The following ARID1A variants were observed in gnomAD, a reference collection of about 807,000 sequenced individuals.
ARID1A encodes AT-rich interaction domain 1A, also known as AT-rich interactive domain-containing protein 1A.
A neutral mutation model predicts 212.6 loss-of-function variants in ARID1A; 20 were observed. The observed-to-expected ratio is 0.09, with a 90% CI of 0.07 to 0.14. The LOEUF (loss-of-function observed/expected upper bound fraction) is 0.14, where lower values mean the gene tolerates loss of function less well. Among genes scored for constraint, ARID1A ranks in the 10% least tolerant of loss-of-function variants. ARID1A has a pLI of 1.00. For missense variants in ARID1A, 2,587 were observed against 3,059.0 expected (o/e 0.85, Z 3.64); for synonymous variants, 1,376 against 1,222.1 (o/e 1.13, Z -2.63).
chr1:26,754,483 C>G (rs1003643118), intron 4 of ARID1A, among the ~76,000 whole-genome samples: 4 of 152,158 alleles, frequency 2.6e-5, no homozygotes, highest in African/African-American at 9.7e-5. Flanking sequence ...TTGACCCTGA[C>G]CATATGGTGC....
At chr1:26,748,439 A>C (rs2080856537) in intron 4 of ARID1A, among the ~76,000 whole-genome samples, 1 of 152,092 alleles carries the variant, frequency 6.6e-6, no homozygotes, top group Non-Finnish European at 1.5e-5. Flanking sequence ...TGTTTGGTTG[A>C]CCTTCCTAAC....
At chr1:26,769,059 A>AT (rs772194319) in intron 11 of ARID1A, 1 of 152,238 alleles carries the variant, frequency 6.6e-6, no homozygotes, top group Non-Finnish European at 1.5e-5. Context: ...ACACGTGCAT[A>AT]CTGCCACATA....
chr1:26,706,696 A>G lies in ARID1A; in HGVS notation c.1137+9156A>G, dbSNP rs144429005. ...GTGATTTCTCCTGTCTGGGGTAGACATTGTTGCTTTCTGTTGTCCTTAGAG... is the reference window on the plus strand; with the variant it reads ...GTGATTTCTCCTGTCTGGGGTAGACGTTGTTGCTTTCTGTTGTCCTTAGAG... On this transcript the variant is annotated intron_variant, in intron 1 of 19. Coordinates refer to ENST00000324856, the MANE Select transcript of ARID1A (RefSeq NM_006015.6). 8.9e-3 allele frequency among the ~76,000 whole-genome samples: 1,353 copies of G among 152,302 alleles called. 4 individuals are homozygous for G. The highest frequency in any genetic ancestry group is 0.015 in the Non-Finnish European group (999 of 68,034).
rs1458168167 is a variant in ARID1A, at chr1:26,773,793, C to T, written c.4005-9C>T. The T allele has an allele frequency of 1.2e-6, 2 of 1,614,202 alleles. No individual in the cohort carries two copies. The highest frequency in any genetic ancestry group is 1.7e-6 in the Non-Finnish European group (2 of 1,180,020). Reference sequence around the variant, plus strand: ...CCACCCTAATCCTGTGTTTCTTTGCCTCCTATAGACATGATTCCTATGGCA... The same window carrying T: ...CCACCCTAATCCTGTGTTTCTTTGCTTCCTATAGACATGATTCCTATGGCA... On this transcript the variant is annotated splice_polypyrimidine_tract_variant and intron_variant, in intron 16 of 19. Transcript: ENST00000324856.
intron 1 of ARID1A, among the ~76,000 whole-genome samples, chr1:26,701,471 A>G (rs1325396843): frequency 6.6e-6 from 1 of 152,196 alleles, no homozygotes; most frequent in African/African-American, 2.4e-5. Context: ...CGTTAGTGGT[A>G]AAGAGCACAG....
intron 1 of ARID1A, among the ~76,000 whole-genome samples, chr1:26,727,534 C>T (rs970261391): frequency 6.6e-6 from 1 of 152,120 alleles, no homozygotes; most frequent in Non-Finnish European, 1.5e-5. Flanking sequence ...TAGTATACAC[C>T]AGACTCATTC....
intron 1 of ARID1A, among the ~76,000 whole-genome samples, chr1:26,697,868 G>T (rs916756897): frequency 4.0e-5 from 6 of 151,240 alleles, no homozygotes; most frequent in African/African-American, 1.5e-4. Context: ...GTGAGGGGGC[G>T]CTGGGGGCTC....
At chr1:26,778,797 C>G (rs1484037861) in intron 19 of ARID1A, 1 of 414,128 alleles carries the variant, frequency 2.4e-6, no homozygotes, top group Admixed American at 3.9e-5. Flanking sequence ...GGCTAGTGTT[C>G]CTGGAGATAG....
At chr1:26,762,406 T>C (rs1433436727) in intron 7 of ARID1A, 87 bp downstream of exon 7, 1 of 1,449,076 alleles carries the variant, frequency 6.9e-7, no homozygotes, top group Non-Finnish European at 9.3e-7. Flanking sequence ...GCTTGTAACC[T>C]TGTGAGAGAA....
intron 8 of ARID1A, chr1:26,764,118 C>G (rs565095003): frequency 6.6e-6 from 1 of 152,046 alleles, no homozygotes. Context: ...TACAGGCACC[C>G]GCCACCATGC....
chr1:26,778,926 A>G (rs1158046461), intron 19 of ARID1A, 97 bp from the exon 20 acceptor site: 13 of 1,251,976 alleles, frequency 1.0e-5, no homozygotes, highest in South Asian at 7.4e-5. Flanking sequence ...GCCTCTCCCA[A>G]CTGATACAGA....
rs143257313 is a variant in ARID1A, at chr1:26,779,677, G to C, written c.5779G>C (p.Ala1927Pro). The change falls in exon 20 of 20, where the codon GCT becomes CCT. Residue 1927 changes from alanine to proline, a missense_variant. This residue lies in a region of ARID1A where 890 missense variants were observed against 1,098.2 expected (regional missense o/e 0.81). Coordinates refer to ENST00000324856, the MANE Select transcript of ARID1A (RefSeq NM_006015.6). ...TRSSTLTEDGAKSSEAIKESS... is the reference protein window; with the variant it reads ...TRSSTLTEDGPKSSEAIKESS... Reference sequence around the variant, plus strand: ...GTCTAGCACCTTGACCGAGGATGGAGCTAAGAGTTCAGAGGCCATCAAGGA... The same window carrying C: ...GTCTAGCACCTTGACCGAGGATGGACCTAAGAGTTCAGAGGCCATCAAGGA... 363 of 1,614,150 alleles carry C rather than the reference G, an allele frequency of 2.2e-4. 1 individual carries two copies. The African/African-American group carries it at 4.1e-3, about 18-fold the overall frequency.
intron 4 of ARID1A, among the ~76,000 whole-genome samples, chr1:26,755,036 G>A (rs1380880385): frequency 6.6e-6 from 1 of 152,182 alleles, no homozygotes; most frequent in Admixed American, 6.5e-5. Context: ...TTGAACCCAG[G>A]AGACAGAGGT....
chr1:26,730,648 C>G (rs1260362265), intron 2 of ARID1A, among the ~76,000 whole-genome samples: 1 of 151,924 alleles, frequency 6.6e-6, no homozygotes, highest in Non-Finnish European at 1.5e-5. Context: ...GTGCCTGGTA[C>G]AAGTAATTGA....
At chr1:26,744,637 A>G (rs1325699580) in intron 4 of ARID1A, among the ~76,000 whole-genome samples, 1 of 152,140 alleles carries the variant, frequency 6.6e-6, no homozygotes, top group African/African-American at 2.4e-5. Context: ...GGAGCTTTTA[A>G]ATGTATTTCC....
intron 4 of ARID1A, among the ~76,000 whole-genome samples, chr1:26,749,138 CTCGG>C (rs2080863104): frequency 6.6e-6 from 1 of 152,252 alleles, no homozygotes; most frequent in East Asian, 1.9e-4. Flanking sequence ...GCACTCCAGC[CTCGG>C]TGACAGAGCG....
intron 10 of ARID1A, among the ~76,000 whole-genome samples, chr1:26,767,138 A>G (rs1032682848): frequency 3.3e-5 from 5 of 152,092 alleles, no homozygotes; most frequent in Non-Finnish European, 5.9e-5. Context: ...CACTTTCCCT[A>G]TCTGTATACA....
intron 4 of ARID1A, 53 bp from the exon 5 acceptor site, chr1:26,760,803 T>C (rs2080984230): frequency 1.9e-6 from 3 of 1,542,444 alleles, no homozygotes; most frequent in Non-Finnish European, 8.9e-7. Context: ...TTATTGAAAG[T>C]AGAATCTTTC....
chr1:26,774,103 T>C lies in ARID1A; in HGVS notation c.4101+205T>C, dbSNP rs1335461155. 3.6e-6 allele frequency: 4 copies of C among 1,098,930 alleles called. No homozygotes were observed. The highest frequency in any genetic ancestry group is 3.8e-6 in the Non-Finnish European group (3 of 792,096). The allele number at this position is 1,098,930 out of a possible 1,614,324, so 68.1% of individuals were successfully genotyped here. Reference sequence around the variant, plus strand: ...TGGAAGGGGCTAGAAATAGACCTTATTTTGATTTTTAGGTTTTGTATATTT... The same window carrying C: ...TGGAAGGGGCTAGAAATAGACCTTACTTTGATTTTTAGGTTTTGTATATTT... On this transcript the variant is annotated intron_variant, in intron 17 of 19. Coordinates refer to ENST00000324856, the MANE Select transcript of ARID1A (RefSeq NM_006015.6). The surrounding 1 kb of genome is among the most constrained non-coding windows in gnomAD (Gnocchi z 5.6).
Sources: allele counts gnomAD v4.1 joint callset (sites outside exome capture counted in the v4.1 genomes callset), GRCh38; gene constraint gnomAD v4.1.1; regional missense constraint gnomAD v4.1.1; non-coding constraint Gnocchi (gnomAD v3.1); transcripts MANE v1.5; gene names NCBI Gene and HGNC (gene_info 2026-07-23, HGNC 2026-07-21).